FAM168A: variants seen among roughly 807,000 people sequenced by gnomAD.
FAM168A encodes the protein protein FAM168A.
In FAM168A, 3 loss-of-function variants were observed where a neutral mutation model predicts 28.5. The ratio of observed to expected loss-of-function variants is 0.11; its 90% CI spans 0.05 to 0.27. The LOEUF (loss-of-function observed/expected upper bound fraction) is 0.27, where lower values mean the gene tolerates loss of function less well. Among genes scored for constraint, FAM168A ranks in the 10% least tolerant of loss-of-function variants. FAM168A has a pLI of 1.00. For missense variants in FAM168A, 222 were observed against 311.5 expected (o/e 0.71, Z 2.16); for synonymous variants, 122 against 124.2 (o/e 0.98, Z 0.12).
chr11:73,421,999 C>A (rs1273033615), intron 3 of FAM168A, among the ~76,000 whole-genome samples: 2 of 152,244 alleles, frequency 1.3e-5, no homozygotes, highest in African/African-American at 4.8e-5. Flanking sequence ...CTAACTTATT[C>A]TTTACAAAAG....
chr11:73,519,832 A>T (rs903956810), intron 1 of FAM168A, among the ~76,000 whole-genome samples: 59 of 148,606 alleles, frequency 4.0e-4, no homozygotes, highest in Admixed American at 3.0e-3. Context: ...ATATATGTAT[A>T]TTTTTTTTTT....
chr11:73,527,096 A>G (rs1007160018), intron 1 of FAM168A, among the ~76,000 whole-genome samples: 18 of 151,930 alleles, frequency 1.2e-4, no homozygotes, highest in African/African-American at 3.6e-4. Flanking sequence ...TCCTTAAAGG[A>G]CCATAACAAA....
At chr11:73,582,744 T>C (rs925518407) in intron 1 of FAM168A, among the ~76,000 whole-genome samples, 1 of 152,180 alleles carries the variant, frequency 6.6e-6, no homozygotes, top group Non-Finnish European at 1.5e-5. Context: ...AAAAAAGAAC[T>C]CTAGACTGAG....
chr11:73,448,348 A>G (rs566910552), intron 2 of FAM168A, among the ~76,000 whole-genome samples: 1 of 152,250 alleles, frequency 6.6e-6, no homozygotes, highest in African/African-American at 2.4e-5. Context: ...GCCCAGCCCC[A>G]TGTATCAAGT....
At chr11:73,488,478 G>A (rs926059883) in intron 1 of FAM168A, among the ~76,000 whole-genome samples, 2 of 151,976 alleles carry the variant, frequency 1.3e-5, no homozygotes, top group African/African-American at 4.8e-5. Flanking sequence ...TATTTGCCTC[G>A]TCCATCCTAT....
intron 3 of FAM168A, among the ~76,000 whole-genome samples, chr11:73,426,159 G>A (rs955474915): frequency 6.6e-6 from 1 of 152,180 alleles, no homozygotes; most frequent in East Asian, 1.9e-4. Flanking sequence ...ATTTTTATCT[G>A]TATTAGTTAA....
chr11:73,447,512 C>T (rs1867340259), intron 2 of FAM168A, among the ~76,000 whole-genome samples: 1 of 149,722 alleles, frequency 6.7e-6, no homozygotes, highest in Non-Finnish European at 1.5e-5. Context: ...ATGATCATCA[C>T]ACCACTGCAT....
At chr11:73,424,782 G>A (rs1032883987) in intron 3 of FAM168A, among the ~76,000 whole-genome samples, 25 of 152,134 alleles carry the variant, frequency 1.6e-4, no homozygotes, top group African/African-American at 5.6e-4. Context: ...GTTGAGAGAC[G>A]CCTTTTAGTG....
At chr11:73,594,042 T>G (rs1257724242) in intron 1 of FAM168A, among the ~76,000 whole-genome samples, 2 of 152,186 alleles carry the variant, frequency 1.3e-5, no homozygotes, top group African/African-American at 4.8e-5. Context: ...AGATATTTCA[T>G]ATATGTACAG....
intron 2 of FAM168A, among the ~76,000 whole-genome samples, chr11:73,464,256 C>G (rs368868669): frequency 1.1e-3 from 157 of 140,280 alleles, no homozygotes; most frequent in African/African-American, 3.9e-3. Context: ...AAACAAAGTA[C>G]AAATGTCAGT....
At chr11:73,591,865 C>G (rs986895247) in intron 1 of FAM168A, among the ~76,000 whole-genome samples, 1 of 152,086 alleles carries the variant, frequency 6.6e-6, no homozygotes, top group Non-Finnish European at 1.5e-5. Flanking sequence ...GCCACATGAC[C>G]AACCTAAGAA....
At chr11:73,455,711 A>G (rs1334265960) in intron 2 of FAM168A, among the ~76,000 whole-genome samples, 2 of 152,186 alleles carry the variant, frequency 1.3e-5, no homozygotes, top group African/African-American at 4.8e-5. Flanking sequence ...GTATATAACA[A>G]AATTGGAAGG....
intron 1 of FAM168A, among the ~76,000 whole-genome samples, chr11:73,513,979 T>C (rs1855279502): frequency 6.6e-6 from 1 of 152,020 alleles, no homozygotes; most frequent in African/African-American, 2.4e-5. Flanking sequence ...AGCCCAGGAA[T>C]TTGAGACCAG....
At chr11:73,546,584 T>C (rs1041866894) in intron 1 of FAM168A, among the ~76,000 whole-genome samples, 2 of 152,110 alleles carry the variant, frequency 1.3e-5, no homozygotes, top group African/African-American at 2.4e-5. Flanking sequence ...AATACAAAAT[T>C]AGCTGGGTGT....
At chr11:73,530,890 T>C (rs992330245) in intron 1 of FAM168A, among the ~76,000 whole-genome samples, 2 of 152,136 alleles carry the variant, frequency 1.3e-5, no homozygotes, top group African/African-American at 4.8e-5. Flanking sequence ...AGTCACACAG[T>C]GGTAAACCTG....
intron 1 of FAM168A, among the ~76,000 whole-genome samples, chr11:73,481,833 T>C (rs1264790993): frequency 6.6e-6 from 1 of 152,324 alleles, no homozygotes; most frequent in Non-Finnish European, 1.5e-5. Context: ...TGCAACAGTG[T>C]TGGGAGATAG....
intron 1 of FAM168A, among the ~76,000 whole-genome samples, chr11:73,531,806 T>TC (rs1349566338): frequency 1.4e-5 from 2 of 147,066 alleles, no homozygotes; most frequent in Admixed American, 6.7e-5. Context: ...GTATCACTTT[T>TC]TTTTTTTTTT....
chr11:73,473,484 C>T (rs537545998), intron 1 of FAM168A, among the ~76,000 whole-genome samples: 128 of 152,348 alleles, frequency 8.4e-4, no homozygotes, highest in Non-Finnish European at 1.6e-3. Flanking sequence ...CACTGCTGGG[C>T]ACCATGGGCA....
At chr11:73,573,590 C>A (rs1944134597) in intron 1 of FAM168A, among the ~76,000 whole-genome samples, 1 of 152,178 alleles carries the variant, frequency 6.6e-6, no homozygotes, top group African/African-American at 2.4e-5. Context: ...TAATAAAACT[C>A]ATCAAAATGT....
Sources: gnomAD v4.1 joint callset for allele counts (sites outside exome capture counted in the v4.1 genomes callset) on GRCh38, gnomAD v4.1.1 for gene constraint, MANE v1.5 for transcripts, NCBI Gene and HGNC (gene_info 2026-07-23, HGNC 2026-07-21) for gene names.